Variants in CRPPA observed in about 807,000 individuals in gnomAD.
The protein encoded by CRPPA is D-ribitol-5-phosphate cytidylyltransferase.
A neutral mutation model predicts 52.0 loss-of-function variants in CRPPA; 43 were observed. That is an observed-to-expected ratio of 0.83 (90% CI 0.65 to 1.07). CRPPA has a LOEUF of 1.07. Ranked by LOEUF, CRPPA falls within the 50% of genes least tolerant of loss-of-function variation. The pLI is 0.00. For synonymous variants in CRPPA, 250 were observed against 203.5 expected (o/e 1.23, Z -1.94); for missense variants, 629 against 551.7 (o/e 1.14, Z -1.40).
intron 8 of CRPPA, among the ~76,000 whole-genome samples, chr7:16,244,957 T>TG (rs1783229294): frequency 6.6e-6 from 1 of 152,102 alleles, no homozygotes; most frequent in Non-Finnish European, 1.5e-5. Context: ...TTCTGATGAA[T>TG]AAAACCTACT....
rs1177078618 is a variant in CRPPA at position 16,421,236 on chromosome 7, G to T, written c.87C>A (p.Ser29=). 7.5e-7 allele frequency: 1 copy of T among 1,331,398 alleles called. No homozygotes were observed. The highest frequency in any genetic ancestry group is 3.1e-5 in the East Asian group (1 of 32,064). 82.5% of individuals were successfully genotyped at this position (1,331,398 alleles called of 1,614,324 possible). Reference sequence around the variant, plus strand: ...TCCCGGCCACGCTCTGCAGGGAGGCGGAAGCCGTGTGGTCCGCGCCGCGCT... The same window carrying T: ...TCCCGGCCACGCTCTGCAGGGAGGCTGAAGCCGTGTGGTCCGCGCCGCGCT... ...SGQRGADHTA[S]ASLQSVAGTE... The change falls in exon 1 of 10, where the codon TCC becomes TCA. Residue 29 remains serine, a synonymous_variant. Coordinates refer to ENST00000407010, the MANE Select transcript of CRPPA (RefSeq NM_001101426.4).
intron 3 of CRPPA, among the ~76,000 whole-genome samples, chr7:16,344,962 G>A (rs1262768969): frequency 1.3e-5 from 2 of 151,958 alleles, no homozygotes; most frequent in Admixed American, 6.6e-5. Flanking sequence ...ACTAAAAACT[G>A]CCCAATTTTG....
At chr7:16,096,777 T>C (rs1049436595) in intron 9 of CRPPA, among the ~76,000 whole-genome samples, 6 of 152,080 alleles carry the variant, frequency 3.9e-5, no homozygotes, top group African/African-American at 1.4e-4. Context: ...AACTATATTA[T>C]AGCAAAAATA....
intron 5 of CRPPA, among the ~76,000 whole-genome samples, chr7:16,286,187 G>C (rs1457312896): frequency 1.4e-5 from 2 of 144,158 alleles, no homozygotes; most frequent in Non-Finnish European, 3.0e-5. Context: ...AACTTGACTG[G>C]ACCACAGGGT....
intron 2 of CRPPA, among the ~76,000 whole-genome samples, chr7:16,394,137 C>T (rs1232627997): frequency 6.6e-6 from 1 of 152,000 alleles, no homozygotes; most frequent in East Asian, 1.9e-4. Context: ...AGCTGATAAC[C>T]TACACATGTC....
At chr7:16,344,405 C>CAAAA (rs35320924) in intron 3 of CRPPA, among the ~76,000 whole-genome samples, 2,063 of 98,934 alleles carry the variant, frequency 0.021, 30 homozygotes, top group Non-Finnish European at 0.029. Flanking sequence ...TATCTCTACC[C>CAAAA]AAAAAAAAAA....
intron 9 of CRPPA, among the ~76,000 whole-genome samples, chr7:16,197,058 C>T (rs1181026125): frequency 6.7e-6 from 1 of 150,108 alleles, no homozygotes; most frequent in Non-Finnish European, 1.5e-5. Context: ...CCAGGTCAAA[C>T]AGAATAGGGT....
intron 5 of CRPPA, among the ~76,000 whole-genome samples, chr7:16,286,093 A>ATATATAT (rs1554309913): frequency 1.1e-4 from 3 of 27,728 alleles, no homozygotes; most frequent in African/African-American, 6.3e-4. Flanking sequence ...TATTTAAAAA[A>ATATATAT]AAAAATATAT....
intron 3 of CRPPA, among the ~76,000 whole-genome samples, chr7:16,318,525 C>G (rs1785194302): frequency 6.6e-6 from 1 of 152,070 alleles, no homozygotes; most frequent in Non-Finnish European, 1.5e-5. Flanking sequence ...TACAAAAAAA[C>G]CTCAGTGGCA....
intron 6 of CRPPA, among the ~76,000 whole-genome samples, chr7:16,259,244 G>GA (rs969768875): frequency 3.3e-5 from 5 of 151,838 alleles, no homozygotes; most frequent in African/African-American, 9.7e-5. Context: ...TTTCACATAG[G>GA]AAAAAAATAT....
At chr7:16,200,762 C>T (rs1051031988) in intron 9 of CRPPA, among the ~76,000 whole-genome samples, 1 of 152,114 alleles carries the variant, frequency 6.6e-6, no homozygotes, top group African/African-American at 2.4e-5. Flanking sequence ...ATTGGCATAT[C>T]ATCAATTCCC....
chr7:16,271,291 GT>G (rs1784084602), intron 6 of CRPPA, among the ~76,000 whole-genome samples: 1 of 152,100 alleles, frequency 6.6e-6, no homozygotes, highest in Non-Finnish European at 1.5e-5. Flanking sequence ...GTAATGTGAT[GT>G]ATGAAAACAA....
At chr7:16,386,047 T>TCC (rs1011999561) in intron 2 of CRPPA, among the ~76,000 whole-genome samples, 2 of 152,182 alleles carry the variant, frequency 1.3e-5, no homozygotes, top group African/African-American at 4.8e-5. Flanking sequence ...GGTATCCAGG[T>TCC]CCCTGTCCAG....
chr7:16,160,895 T>C (rs983231428), intron 9 of CRPPA, among the ~76,000 whole-genome samples: 1 of 152,238 alleles, frequency 6.6e-6, no homozygotes, highest in African/African-American at 2.4e-5. Flanking sequence ...GTGAGTTGTA[T>C]TCCTAGGTAT....
chr7:16,191,244 A>G lies in CRPPA; in HGVS notation c.1251+24822T>C, dbSNP rs371952986. Among the ~76,000 whole-genome samples, 11 of 152,208 alleles carry G rather than the reference A, an allele frequency of 7.2e-5. No individual in the cohort carries two copies. The East Asian group carries it at 1.9e-3, about 27-fold the overall frequency. On this transcript the variant is annotated intron_variant, in intron 9 of 9. Coordinates refer to ENST00000407010, the MANE Select transcript of CRPPA (RefSeq NM_001101426.4). Reference sequence around the variant, plus strand: ...AGTGTAAAGCAGAGGTTTGCCGAGTATGTTCTAGAATGAAGACCCCCTTTC... The same window carrying G: ...AGTGTAAAGCAGAGGTTTGCCGAGTGTGTTCTAGAATGAAGACCCCCTTTC...
intron 3 of CRPPA, among the ~76,000 whole-genome samples, chr7:16,362,679 A>C (rs535639276): frequency 1.2e-4 from 18 of 152,352 alleles, no homozygotes; most frequent in Admixed American, 4.6e-4. Flanking sequence ...GCTACAAGAT[A>C]ATGAAACACT....
chr7:16,241,384 G>A (rs1783102923), intron 8 of CRPPA, among the ~76,000 whole-genome samples: 1 of 151,984 alleles, frequency 6.6e-6, no homozygotes, highest in East Asian at 1.9e-4. Context: ...GTAAATTCAT[G>A]AGATTTTTAA....
At chr7:16,255,141 C>A (rs570906295) in intron 8 of CRPPA, among the ~76,000 whole-genome samples, 16 of 152,204 alleles carry the variant, frequency 1.1e-4, no homozygotes, top group African/African-American at 2.9e-4. Flanking sequence ...TTCCTATATA[C>A]CAATATCAGA....
intron 8 of CRPPA, among the ~76,000 whole-genome samples, chr7:16,257,329 G>A (rs1295838018): frequency 6.6e-6 from 1 of 152,046 alleles, no homozygotes. Context: ...ACAGAACTTT[G>A]AACTTATCTC....
Sources: gnomAD v4.1 joint callset for allele counts (sites outside exome capture counted in the v4.1 genomes callset) on GRCh38, gnomAD v4.1.1 for gene constraint, MANE v1.5 for transcripts, NCBI Gene and HGNC (gene_info 2026-07-23, HGNC 2026-07-21) for gene names.